The following YIF1B variants were observed in gnomAD, a reference collection of about 807,000 sequenced individuals.
YIF1B encodes the protein protein YIF1B.
A neutral mutation model predicts 34.6 loss-of-function variants in YIF1B; 24 were observed. The observed-to-expected ratio is 0.69, with a 90% CI of 0.50 to 0.98. The LOEUF (loss-of-function observed/expected upper bound fraction) is 0.98. YIF1B is among the 50% of genes least tolerant of loss of function. The probability of loss-of-function intolerance (pLI) is 0.00; values close to 1 mark genes in which losing one functional copy is unlikely to be tolerated. For missense variants in YIF1B, 368 were observed against 429.4 expected (o/e 0.86, Z 1.26); for synonymous variants, 186 against 184.8 (o/e 1.01, Z -0.05).
upstream of YIF1B, chr19:38,316,045 A>G: frequency 8.1e-7 from 1 of 1,228,770 alleles, no homozygotes; most frequent in Non-Finnish European, 1.0e-6. Context: ...CACCCCCCCG[A>G]CCCCTCCAGC....
At chr19:38,319,928 C>A, upstream of YIF1B, 2 of 1,397,576 alleles carry the variant, frequency 1.4e-6, no homozygotes, top group Non-Finnish European at 9.2e-7. Context: ...CCACCCAGGG[C>A]TCGCGGGGTC....
At chr19:38,307,372 C>A in intron 7 of YIF1B, 56 bp downstream of exon 7, 1 of 1,578,536 alleles carries the variant, frequency 6.3e-7, no homozygotes, top group Non-Finnish European at 8.7e-7. Context: ...GCTTGGATGC[C>A]TGGATGCCTC....
chr19:38,321,714 C>T (rs1385470636), upstream of YIF1B, among the ~76,000 whole-genome samples: 2 of 152,254 alleles, frequency 1.3e-5, no homozygotes, highest in Non-Finnish European at 2.9e-5. Context: ...TTTTGGTCCC[C>T]TGGCAGCAGA....
rs1385329842 is a variant in YIF1B, at chr19:38,304,477, GT to G, written c.*874del. 30 of 1,555,662 alleles carry G rather than the reference GT, an allele frequency of 1.9e-5. No homozygotes were observed. The highest frequency in any genetic ancestry group is 2.6e-5 in the Non-Finnish European group (30 of 1,150,090). ...CAGGGCCGGTCGGAGGCAGGGGCAGGTCCGGGTCCAAAGGTAAGTCGCCTCA... is the reference window on the plus strand; with the variant it reads ...CAGGGCCGGTCGGAGGCAGGGGCAGGCCGGGTCCAAAGGTAAGTCGCCTCA... On this transcript the variant is annotated 3_prime_UTR_variant, in exon 8 of 8. Transcript: ENST00000339413.
upstream of YIF1B, among the ~76,000 whole-genome samples, chr19:38,321,853 A>C (rs1199734371): frequency 1.3e-5 from 2 of 152,210 alleles, no homozygotes. Context: ...GGCTTCTAAG[A>C]AGTCATCCCT....
At chr19:38,320,337 G>A (rs1280990654), upstream of YIF1B, 55 of 1,549,118 alleles carry the variant, frequency 3.6e-5, no homozygotes, top group Admixed American at 9.5e-4. Flanking sequence ...TTAACCCCTG[G>A]GGACCCCGGG....
rs1969205011 is a variant in YIF1B at position 38,309,245 on chromosome 19, C to T, written c.381G>A (p.Leu127=). ...TMYVGRKLGL[L]FFPYLHQDWE... is the part of the protein sequence containing the mutation. ...TGACCTGGTGTAGGTAGGGGAAGAA[C>T]AGCAGGCCCAGCTTTCTGCCCACAT... Residue 127 remains leucine (L), a synonymous_variant, in exon 3 of 8, where the codon CTG becomes CTA. Coordinates refer to ENST00000339413, the MANE Select transcript of YIF1B (RefSeq NM_001039672.3). 6.2e-7 allele frequency: 1 copy of T among 1,614,034 alleles called. No homozygotes were observed. The highest frequency in any genetic ancestry group is 2.2e-5 in the East Asian group (1 of 44,886).
chr19:38,309,342 G>A lies in YIF1B; in HGVS notation c.298-14C>T, dbSNP rs200062878. ...GAAGCGGTCGATCTGGGGAGGCAGA[G>A]CTCAAGTCTGAAGCCCTGTGGCCCC... is the stretch of plus-strand genomic sequence containing the variant. On this transcript the variant is annotated splice_polypyrimidine_tract_variant and intron_variant, in intron 2 of 7. Coordinates refer to ENST00000339413, the MANE Select transcript of YIF1B (RefSeq NM_001039672.3). 98 of 1,613,890 alleles carry A rather than the reference G, an allele frequency of 6.1e-5. No individual in the cohort carries two copies. The East Asian group carries it at 1.6e-3, about 27-fold the overall frequency.
upstream of YIF1B, chr19:38,320,126 T>C (rs765363686): frequency 6.3e-7 from 1 of 1,586,712 alleles, no homozygotes; most frequent in Non-Finnish European, 8.5e-7. Context: ...GCCCCCGCCC[T>C]GGACGCCTTC....
intron 7 of YIF1B, among the ~76,000 whole-genome samples, chr19:38,306,178 T>C (rs1301072583): frequency 1.7e-5 from 2 of 119,902 alleles, no homozygotes; most frequent in Admixed American, 1.2e-4. Flanking sequence ...CACTCCAGCT[T>C]CCCGACAGAG....
intron 7 of YIF1B, chr19:38,307,102 C>T (rs1969083980): frequency 4.1e-6 from 2 of 492,418 alleles, no homozygotes; most frequent in Non-Finnish European, 8.0e-6. Context: ...GTGGGAAGGG[C>T]TCTAGAGAAT....
At chr19:38,311,212 G>A (rs1287868891) in intron 1 of YIF1B, among the ~76,000 whole-genome samples, 4 of 151,914 alleles carry the variant, frequency 2.6e-5, no homozygotes, top group African/African-American at 9.7e-5. Flanking sequence ...GCTTCAGCCT[G>A]GGAGACAAAG....
In YIF1B at chr19:38,306,734, C is replaced by T. The variant is rs550828975; in HGVS notation, c.789+694G>A. ...TCTCGCTCTGTCACCCAGGCTGGAG[C>T]GCAGGTGTGCGATCTCGGCTCACTG... is the stretch of plus-strand genomic sequence containing the variant. On this transcript the variant is annotated intron_variant, in intron 7 of 7. Transcript: ENST00000339413. 507 of 267,042 alleles carry T rather than the reference C, an allele frequency of 1.9e-3. 4 individuals are homozygous for T. Among genetic ancestry groups the T allele is most frequent in the African/African-American group, 0.011 (484 of 42,456 alleles). The allele number at this position is 267,042 out of a possible 1,614,324, so 16.5% of individuals were successfully genotyped here. A position where few individuals can be genotyped will look rare whatever the true frequency, so the allele number is the denominator to read the frequency against.
At position 38,304,718 on chromosome 19, in the gene YIF1B, G is replaced by C; in HGVS notation, c.*634C>G. The stretch of plus-strand genomic sequence containing the variant: ...GGCTCTCGCCAGCGTCCCCAAGCAC[G>C]TGCCCTGCACCCCAGAGAGGCGTCC... On this transcript the variant is annotated 3_prime_UTR_variant, in exon 8 of 8. Coordinates refer to ENST00000339413, the MANE Select transcript of YIF1B (RefSeq NM_001039672.3). 6.2e-7 allele frequency: 1 copy of C among 1,613,504 alleles called. No homozygotes were observed. Among genetic ancestry groups the C allele is most frequent in the Non-Finnish European group, 8.5e-7 (1 of 1,179,846 alleles).
chr19:38,320,345 G>A (rs533472694), upstream of YIF1B: 1 of 1,514,334 alleles, frequency 6.6e-7, no homozygotes, highest in African/African-American at 1.4e-5. Flanking sequence ...TGGGGACCCC[G>A]GGGCCCTCAC....
At position 38,305,038 on chromosome 19, in the gene YIF1B, C is replaced by A; in HGVS notation, c.*314G>T. ...TGGTCAGCGTGGTGCCTACTCTGGCCCGTCCCCAGCTCCCTGCCCCCTGCC... is the reference window on the plus strand; with the variant it reads ...TGGTCAGCGTGGTGCCTACTCTGGCACGTCCCCAGCTCCCTGCCCCCTGCC... On this transcript the variant is annotated 3_prime_UTR_variant, in exon 8 of 8. Transcript: ENST00000339413. 1 of 1,543,880 alleles carries A rather than the reference C, an allele frequency of 6.5e-7. No homozygotes were observed. The highest frequency in any genetic ancestry group is 8.7e-7 in the Non-Finnish European group (1 of 1,142,872).
At chr19:38,306,204 CAAAAAA>C (rs1174694534) in intron 7 of YIF1B, among the ~76,000 whole-genome samples, 8 of 28,682 alleles carry the variant, frequency 2.8e-4, no homozygotes, top group Non-Finnish European at 3.9e-4. Context: ...CTCTGTCTCA[CAAAAAA>C]AAAAAAAAAA....
upstream of YIF1B, chr19:38,319,865 G>C: frequency 7.9e-7 from 1 of 1,270,570 alleles, no homozygotes; most frequent in Non-Finnish European, 1.0e-6. Context: ...TAGCACTCCC[G>C]GAACTGGAAC....
In YIF1B at chr19:38,303,905, CT is replaced by C. The variant is rs1010171789; in HGVS notation, c.*1446del. 6.6e-6 allele frequency among the ~76,000 whole-genome samples: 1 copy of C among 152,218 alleles called. No individual in the cohort carries two copies. Among genetic ancestry groups the C allele is most frequent in the African/African-American group, 2.4e-5 (1 of 41,452 alleles). ...GCGTGTTAAAGCGCCGCGGAGGAAG[CT>C]GTATTGTCGCGGTACGCAGGAAGGC... On this transcript the variant is annotated 3_prime_UTR_variant, in exon 8 of 8. Transcript: ENST00000339413.
Sources: allele counts gnomAD v4.1 joint callset (sites outside exome capture counted in the v4.1 genomes callset), GRCh38; gene constraint gnomAD v4.1.1; transcripts MANE v1.5; gene names NCBI Gene and HGNC (gene_info 2026-07-23, HGNC 2026-07-21).